TTN: variants seen among roughly 807,000 people sequenced by gnomAD.
The protein encoded by TTN is connectin.
TTN carries 1,525 observed loss-of-function variants against 3,223.0 expected under a neutral mutation model. The ratio of observed to expected loss-of-function variants is 0.47; its 90% CI spans 0.45 to 0.49. The LOEUF (loss-of-function observed/expected upper bound fraction) is 0.49, where lower values mean the gene tolerates loss of function less well. TTN is among the 20% of genes least tolerant of loss of function. The pLI is 0.00. For missense variants in TTN, 40,786 were observed against 43,424.0 expected (o/e 0.94, Z 5.40); for synonymous variants, 14,094 against 15,161.0 (o/e 0.93, Z 5.17).
Position 178,533,773 on chromosome 2 carries a change from A to C in TTN, c.102842T>G (p.Ile34281Arg), listed in dbSNP as rs779369864. ...TACATGAGGCTCTGGGTGGACAGTT[A>C]TAGTTACTCCAAACCGGACATTTTC... ...VGENVRFGVT[I>R]TVHPEPHVTW... Residue 34281 changes from isoleucine (I) to arginine (R), a missense_variant, in exon 358 of 363, where the codon ATA becomes AGA. Physicochemically the swap from Ile to Arg is moderately conservative, Grantham distance 97. Transcript: ENST00000589042. 2 of 1,613,992 alleles carry C rather than the reference A, an allele frequency of 1.2e-6. No individual in the cohort carries two copies. Among genetic ancestry groups the C allele is most frequent in the South Asian group, 1.1e-5 (1 of 91,090 alleles).
rs537286372 is a variant in TTN at position 178,615,030 on chromosome 2, C to T, written c.48639-62G>A. 1.1e-4 allele frequency: 155 copies of T among 1,408,830 alleles called. 1 individual carries two copies. The South Asian group carries it at 1.9e-3, about 17-fold the overall frequency. The allele number at this position is 1,408,830 out of a possible 1,614,324, so 87.3% of individuals were successfully genotyped here. ...TCGATAATCGTTTCATTGTGTAGTA[C>T]TCATAATCTTTCAAAAATTCAAACC... On this transcript the variant is annotated intron_variant, in intron 259 of 362. Transcript: ENST00000589042.
intron 67 of TTN, 27 bp from the exon 68 acceptor site, chr2:178,727,890 A>T (rs2079636290): frequency 6.6e-7 from 1 of 1,520,078 alleles, no homozygotes; most frequent in Admixed American, 2.3e-5. Flanking sequence ...AGATATATTT[A>T]ATTAAATTGC....
Position 178,612,430 on chromosome 2 carries a change from G to A in TTN, c.50095C>T (p.Gln16699Ter), listed in dbSNP as rs2056504499. Residue 16699 changes from glutamine (Q) to a stop codon, truncating the protein, a stop_gained, in exon 266 of 363, where the codon CAA becomes TAA. Transcript: ENST00000589042. LOFTEE classifies it high-confidence loss of function. ...TCCTTGACAGTGGTATCCACTGTTT[G>A]CCAGCCTTTTCGCCTGACGTCTCTC... ...EKRDVRRKGW[Q>*]TVDTTVKDTK... 2 of 1,612,496 alleles carry A rather than the reference G, an allele frequency of 1.2e-6. No individual in the cohort carries two copies. The highest frequency in any genetic ancestry group is 1.7e-6 in the Non-Finnish European group (2 of 1,179,196).
chr2:178,694,393 A>T lies in TTN; in HGVS notation c.31426+206T>A, dbSNP rs1163121685. 6 of 473,894 alleles carry T rather than the reference A, an allele frequency of 1.3e-5. No homozygotes were observed. The Admixed American group carries it at 2.3e-4, about 18-fold the overall frequency. 29.4% of individuals were successfully genotyped at this position (473,894 alleles called of 1,614,324 possible). A position where few individuals can be genotyped will look rare whatever the true frequency, so the allele number is the denominator to read the frequency against. On this transcript the variant is annotated intron_variant, in intron 117 of 362. Transcript: ENST00000589042. The stretch of plus-strand genomic sequence containing the variant: ...ACCTTCTTTATAATAAAAAAATGTA[A>T]TTTTTAAGCAGAACTAGAAACAAAG...
Position 178,694,879 on chromosome 2 carries a change from AT to A in TTN, c.31297del (p.Ile10433LeufsTer42). 6.4e-7 allele frequency: 1 copy of A among 1,557,240 alleles called. No individual in the cohort carries two copies. Among genetic ancestry groups the A allele is most frequent in the Non-Finnish European group, 8.7e-7 (1 of 1,149,154 alleles). On this transcript the variant is annotated frameshift_variant, in exon 116 of 363. Transcript: ENST00000589042. LOFTEE classifies it high-confidence loss of function. ...CTCCATTCTTCGAGAAGTCTTTTCA[AT>A]TTTTTCAATTACTGGCTTCTTTATA... ...KVIKKPVIEK[I>X]EKTSRRMEEE... is the part of the protein sequence containing the mutation.
At position 178,561,070 on chromosome 2, in the gene TTN, A is replaced by G. The variant is rs1281485091; in HGVS notation, c.85062T>C (p.Pro28354=). ...ACTTGACATCCATCATAACTCTTGGAGGCTCAACATCATCTTTAACTATAA... is the reference window on the plus strand; with the variant it reads ...ACTTGACATCCATCATAACTCTTGGGGGCTCAACATCATCTTTAACTATAA... ...GPIIVKDDVE[P]PRVMMDVKFR... is the part of the protein sequence containing the mutation. The change falls in exon 326 of 363, where the codon CCT becomes CCC. Residue 28354 remains proline (P), a synonymous_variant. Transcript: ENST00000589042. 6.2e-7 allele frequency: 1 copy of G among 1,613,868 alleles called. No homozygotes were observed. Among genetic ancestry groups the G allele is most frequent in the East Asian group, 2.2e-5 (1 of 44,870 alleles).
At chr2:178,701,934 A>T in intron 109 of TTN, 106 bp downstream of exon 109, 3 of 1,143,022 alleles carry the variant, frequency 2.6e-6, no homozygotes, top group Non-Finnish European at 2.5e-6. Flanking sequence ...AAAATATTTT[A>T]CCCAAAAGAG....
Position 178,731,412 on chromosome 2 carries a change from G to A in TTN, c.17354C>T (p.Ala5785Val). 1 of 1,613,718 alleles carries A rather than the reference G, an allele frequency of 6.2e-7. No homozygotes were observed. Among genetic ancestry groups the A allele is most frequent in the Non-Finnish European group, 8.5e-7 (1 of 1,179,780 alleles). The change falls in exon 59 of 363, where the codon GCC becomes GTC. Residue 5785 changes from alanine to valine, a missense_variant. Ala to Val is a moderately conservative substitution (Grantham distance 64). Transcript: ENST00000589042. ...TTCAATGCCACTGAGGTACAAACTGGCCACATTGTTCTCAAAGGTCATTCT... is the reference window on the plus strand; with the variant it reads ...TTCAATGCCACTGAGGTACAAACTGACCACATTGTTCTCAAAGGTCATTCT... ...NIRMTFENNV[A>V]SLYLSGIEVK...
rs876657610 is a variant in TTN at position 178,591,639 on chromosome 2, G to C, written c.60180C>G (p.Leu20060=). The change falls in exon 303 of 363, where the codon CTC becomes CTG. Residue 20060 remains leucine (L), a synonymous_variant. Transcript: ENST00000589042. ...ATTCTATCGGGATAGTTGTGTCAGG[G>C]AGACCAAGACCCACAATGTTTTCAG... ...VKAENIVGLG[L]PDTTIPIECQ... The C allele has an allele frequency of 9.9e-6, 16 of 1,613,300 alleles. No individual in the cohort carries two copies. The highest frequency in any genetic ancestry group is 1.3e-5 in the Non-Finnish European group (15 of 1,179,558).
Position 178,735,936 on chromosome 2 carries a change from G to T in TTN, c.14510C>A (p.Pro4837His), listed in dbSNP as rs1291141509. 2 of 1,613,878 alleles carry T rather than the reference G, an allele frequency of 1.2e-6. No homozygotes were observed. Among genetic ancestry groups the T allele is most frequent in the Non-Finnish European group, 1.7e-6 (2 of 1,179,822 alleles). Reference protein sequence around the residue: ...IWQKDGAALSPSPNWRISDAE... With the variant: ...IWQKDGAALSHSPNWRISDAE... ...GTCGGAAATCCTCCAGTTAGGTGAA[G>T]GTGAGAGTGCAGCACCATCTTTCTG... Residue 4837 changes from proline to histidine, a missense_variant, in exon 50 of 363, where the codon CCT becomes CAT. By Grantham distance (77) the Pro-to-His change is moderately conservative (BLOSUM62 -2). Coordinates refer to ENST00000589042, the MANE Select transcript of TTN (RefSeq NM_001267550.2).
rs2077580704 is a variant in TTN, at chr2:178,716,984, A to G, written c.25639+111T>C. 5.7e-6 allele frequency: 7 copies of G among 1,235,666 alleles called. No homozygotes were observed. In the East Asian group the frequency reaches 1.8e-4, roughly 32 times the overall value. The allele number at this position is 1,235,666 out of a possible 1,614,324, so 76.5% of individuals were successfully genotyped here. ...TCCTTGATCCACTTGATCCATTTTC[A>G]TCACTAGACCCTGGTCCTAAACATA... On this transcript the variant is annotated intron_variant, in intron 88 of 362. Transcript: ENST00000589042.
rs375111171 is a variant in TTN, at chr2:178,650,712, G to A, written c.39709+39C>T. On this transcript the variant is annotated intron_variant, in intron 209 of 362. Transcript: ENST00000589042. ...AACAAAGCTTAAATTAGAAATAGTC[G>A]CAAGTGGCAAGGTCATTAATCACCG... 2.1e-4 allele frequency: 319 copies of A among 1,511,140 alleles called. 2 individuals are homozygous for A. The highest frequency in any genetic ancestry group is 4.6e-4 in the African/African-American group (33 of 71,722). The allele number at this position is 1,511,140 out of a possible 1,614,324, so 93.6% of individuals were successfully genotyped here.
intron 308 of TTN, 45 bp downstream of exon 308, chr2:178,586,460 C>T: frequency 6.3e-7 from 1 of 1,593,364 alleles, no homozygotes; most frequent in Non-Finnish European, 8.5e-7. Flanking sequence ...AGAAGAAATT[C>T]TAATAAACTT....
At chr2:178,768,468 T>C (rs2090919034) in intron 38 of TTN, among the ~76,000 whole-genome samples, 1 of 152,254 alleles carries the variant, frequency 6.6e-6, no homozygotes, top group African/African-American at 2.4e-5. Context: ...GGTCTTTGTA[T>C]GGTCTCTGGC....
chr2:178,585,109 AGAACTGTTCTCTGCT>A lies in TTN; in HGVS notation c.64620_64634del (p.Ala21541_Ser21545del). 6.2e-7 allele frequency: 1 copy of A among 1,611,892 alleles called. No homozygotes were observed. The highest frequency in any genetic ancestry group is 8.5e-7 in the Non-Finnish European group (1 of 1,178,672). ...CTTTGATTTTCTGAGTGTCTGTCCC[AGAACTGTTCTCTGCT>A]GTGAGGCTGTAGTAACCACTGTCTT... is the stretch of plus-strand genomic sequence containing the variant. On this transcript the variant is annotated inframe_deletion, in exon 309 of 363. Coordinates refer to ENST00000589042, the MANE Select transcript of TTN (RefSeq NM_001267550.2).
In TTN at chr2:178,749,892, A is replaced by G. The variant is rs890407472; in HGVS notation, c.11311+3232T>C. The G allele has an allele frequency of 3.1e-6, 5 of 1,612,952 alleles. No individual in the cohort carries two copies. In the African/African-American group the frequency reaches 6.7e-5, roughly 22 times the overall value. On this transcript the variant is annotated intron_variant, in intron 47 of 362. Transcript: ENST00000589042. ...AGAATGATGGAATCCCCTTCTCTAC[A>G]CCTGGCATGCTTTGGCATTTCTTGT...
chr2:178,775,596 C>T lies in TTN; in HGVS notation c.6268G>A (p.Gly2090Ser), dbSNP rs752147588. The change falls in exon 28 of 363, where the codon GGC becomes AGC. Residue 2090 changes from glycine to serine, a missense_variant. Physicochemically the swap from Gly to Ser is moderately conservative, Grantham distance 56. Coordinates refer to ENST00000589042, the MANE Select transcript of TTN (RefSeq NM_001267550.2). ...IFERIQSQTV[G>S]QGSDAHFRVR... ...CGGAAGTGTGCATCAGATCCTTGGC[C>T]CACTGTTTGGCTCTGGATTCTTTCG... 2.5e-6 allele frequency: 4 copies of T among 1,614,072 alleles called. No homozygotes were observed. The highest frequency in any genetic ancestry group is 8.5e-7 in the Non-Finnish European group (1 of 1,179,988).
intron 7 of TTN, 55 bp downstream of exon 7, chr2:178,794,867 C>G (rs546626758): frequency 5.5e-4 from 871 of 1,583,582 alleles, no homozygotes; most frequent in Non-Finnish European, 6.8e-4. Flanking sequence ...GGCAGAAATC[C>G]AGTTGGAGAA....
At chr2:178,601,632 G>T in intron 286 of TTN, 26 bp downstream of exon 286, 1 of 1,583,900 alleles carries the variant, frequency 6.3e-7, no homozygotes. Context: ...TTTTTATTCT[G>T]TAGCAACTTT....
Sources: allele counts gnomAD v4.1 joint callset (sites outside exome capture counted in the v4.1 genomes callset), GRCh38; gene constraint gnomAD v4.1.1; transcripts MANE v1.5; gene names NCBI Gene and HGNC (gene_info 2026-07-23, HGNC 2026-07-21).